Variants in ZSWIM2 observed in about 807,000 individuals in gnomAD.
ZSWIM2 encodes the protein E3 ubiquitin-protein ligase ZSWIM2.
A neutral mutation model predicts 48.4 loss-of-function variants in ZSWIM2; 38 were observed. The ratio of observed to expected loss-of-function variants is 0.79; its 90% CI spans 0.61 to 1.03. ZSWIM2 has a LOEUF of 1.03. Among genes scored for constraint, ZSWIM2 ranks in the 50% least tolerant of loss-of-function variants. ZSWIM2 has a pLI of 0.00. For missense variants in ZSWIM2, 776 were observed against 730.2 expected (o/e 1.06, Z -0.72); for synonymous variants, 240 against 251.3 (o/e 0.96, Z 0.42).
intron 7 of ZSWIM2, among the ~76,000 whole-genome samples, chr2:186,832,015 A>C (rs146024033): frequency 0.019 from 2,873 of 152,192 alleles, 82 homozygotes; most frequent in African/African-American, 0.065. Flanking sequence ...CCTACAACTT[A>C]AAGTATAATA....
chr2:186,844,204 T>C (rs973644778), intron 3 of ZSWIM2, among the ~76,000 whole-genome samples: 2 of 151,580 alleles, frequency 1.3e-5, no homozygotes, highest in Non-Finnish European at 3.0e-5. Context: ...AACTCTGGAA[T>C]TTAAACTTAT....
In ZSWIM2 at chr2:186,828,179, T is replaced by G. The variant is rs772658258; in HGVS notation, c.1707A>C (p.Arg569Ser). The part of the protein sequence containing the change: ...PATKIREDNK[R>S]STLLPEDFNL... ...TGAAATCCTCTGGAAGTAAAGTTGATCTCTTGTTGTCCTCTCTTATTTTAG... is the reference window on the plus strand; with the variant it reads ...TGAAATCCTCTGGAAGTAAAGTTGAGCTCTTGTTGTCCTCTCTTATTTTAG... The change falls in exon 9 of 9, where the codon AGA becomes AGC. Residue 569 changes from arginine to serine, a missense_variant. Physicochemically the swap from Arg to Ser is moderately radical, Grantham distance 110 (BLOSUM62 -1). Coordinates refer to ENST00000295131, the MANE Select transcript of ZSWIM2 (RefSeq NM_182521.3). The G allele has an allele frequency of 1.2e-5, 19 of 1,613,584 alleles. No individual in the cohort carries two copies. The highest frequency in any genetic ancestry group is 1.6e-5 in the Non-Finnish European group (19 of 1,179,722).
At chr2:186,838,666 C>T (rs1291889699) in intron 4 of ZSWIM2, among the ~76,000 whole-genome samples, 2 of 146,740 alleles carry the variant, frequency 1.4e-5, no homozygotes, top group Admixed American at 6.9e-5. Flanking sequence ...TATACACACA[C>T]ATATATATGT....
chr2:186,828,718 A>C lies in ZSWIM2; in HGVS notation c.1168T>G (p.Tyr390Asp), dbSNP rs775610738. 1 of 1,611,266 alleles carries C rather than the reference A, an allele frequency of 6.2e-7. No individual in the cohort carries two copies. Among genetic ancestry groups the C allele is most frequent in the Non-Finnish European group, 8.5e-7 (1 of 1,178,740 alleles). ...NSCPIDGQVI[Y>D]NPLTWKNSAV... ...GAATTTTTCCAAGTTAAAGGGTTATATATAACTTGTCCATCAATAGGGCAT... is the reference window on the plus strand; with the variant it reads ...GAATTTTTCCAAGTTAAAGGGTTATCTATAACTTGTCCATCAATAGGGCAT... The change falls in exon 9 of 9, where the codon TAT becomes GAT. Residue 390 changes from tyrosine (Y) to aspartate (D), a missense_variant. Coordinates refer to ENST00000295131, the MANE Select transcript of ZSWIM2 (RefSeq NM_182521.3).
chr2:186,848,038 T>C (rs1392406963), intron 1 of ZSWIM2, among the ~76,000 whole-genome samples: 2 of 152,116 alleles, frequency 1.3e-5, no homozygotes, highest in African/African-American at 2.4e-5. Context: ...TGAAAATAAA[T>C]CTAATTCCCA....
chr2:186,827,499 T>C lies in ZSWIM2; in HGVS notation c.*485A>G, dbSNP rs1354908895. 2.0e-5 allele frequency among the ~76,000 whole-genome samples: 3 copies of C among 151,916 alleles called. No individual in the cohort carries two copies. The highest frequency in any genetic ancestry group is 6.6e-5 in the Admixed American group (1 of 15,214). On this transcript the variant is annotated 3_prime_UTR_variant, in exon 9 of 9. Transcript: ENST00000295131. ...ATAAATGTGACATAGCTGATAGTAT[T>C]TCATTTTATTTTCATTTTATGTATA...
In ZSWIM2 at chr2:186,847,742, C is replaced by A. The variant is rs776622607; in HGVS notation, c.219G>T (p.Gly73=). Residue 73 remains glycine (G), a synonymous_variant, in exon 2 of 9, where the codon GGG becomes GGT. Coordinates refer to ENST00000295131, the MANE Select transcript of ZSWIM2 (RefSeq NM_182521.3). ...ACCAGCAGATATGCTTACAAAGTTC[C>A]CCTCCTTTCGGAAATGTGGAACAGT... ...VCNCSTFPKG[G]ELCKHICWVL... 60 of 1,604,476 alleles carry A rather than the reference C, an allele frequency of 3.7e-5. No individual in the cohort carries two copies. The highest frequency in any genetic ancestry group is 4.9e-5 in the Non-Finnish European group (58 of 1,174,938).
chr2:186,833,508 A>C (rs752072381), intron 6 of ZSWIM2, among the ~76,000 whole-genome samples: 1 of 152,168 alleles, frequency 6.6e-6, no homozygotes, highest in Non-Finnish European at 1.5e-5. Flanking sequence ...GTTATTATTC[A>C]GCATCAGGAG....
At chr2:186,836,897 C>T (rs1417295856) in intron 5 of ZSWIM2, among the ~76,000 whole-genome samples, 1 of 152,122 alleles carries the variant, frequency 6.6e-6, no homozygotes, top group Non-Finnish European at 1.5e-5. Context: ...CAGTCAATGT[C>T]TCTCTGGCCC....
intron 2 of ZSWIM2, among the ~76,000 whole-genome samples, chr2:186,847,375 A>G (rs1692023761): frequency 6.6e-6 from 1 of 152,126 alleles, no homozygotes; most frequent in Non-Finnish European, 1.5e-5. Context: ...GTGGAAGCAC[A>G]GCAATATCTC....
chr2:186,848,908 G>A lies in ZSWIM2; in HGVS notation c.165+58C>T, dbSNP rs13427534. 3.1e-6 allele frequency: 5 copies of A among 1,602,900 alleles called. No homozygotes were observed. The African/African-American group carries it at 4.1e-5, about 13-fold the overall frequency. On this transcript the variant is annotated intron_variant, in intron 1 of 8. Coordinates refer to ENST00000295131, the MANE Select transcript of ZSWIM2 (RefSeq NM_182521.3). ...GGCTACGCACATTGGGTATGCCAGTGGGGGAACCTGGTGGGCGGGGATGAT... is the reference window on the plus strand; with the variant it reads ...GGCTACGCACATTGGGTATGCCAGTAGGGGAACCTGGTGGGCGGGGATGAT...
chr2:186,838,791 TTA>T (rs971388931), intron 4 of ZSWIM2, among the ~76,000 whole-genome samples, 166 bp downstream of exon 4: 5 of 146,070 alleles, frequency 3.4e-5, no homozygotes, highest in East Asian at 2.0e-4. Flanking sequence ...ATTATATATA[TTA>T]TATATATGTG....
In ZSWIM2 at chr2:186,828,504, G is replaced by T; in HGVS notation, c.1382C>A (p.Ala461Asp). Reference sequence around the variant, plus strand: ...ATTATCTATTGTTGTATTTTCATAGGCATCTTTTGGGCTTTGAGGTGTATT... The same window carrying T: ...ATTATCTATTGTTGTATTTTCATAGTCATCTTTTGGGCTTTGAGGTGTATT... ...ELNTPQSPKD[A>D]YENTTIDNLC... The change falls in exon 9 of 9, where the codon GCC becomes GAC. Residue 461 changes from alanine to aspartate, a missense_variant. By Grantham distance (126) the Ala-to-Asp change is moderately radical. Transcript: ENST00000295131. 1 of 1,613,294 alleles carries T rather than the reference G, an allele frequency of 6.2e-7. No homozygotes were observed. Among genetic ancestry groups the T allele is most frequent in the Non-Finnish European group, 8.5e-7 (1 of 1,179,636 alleles).
chr2:186,833,320 T>A lies in ZSWIM2; in HGVS notation c.829-88A>T. The A allele has an allele frequency of 5.0e-6, 3 of 604,434 alleles. No homozygotes were observed. The South Asian group carries it at 6.6e-5, about 13-fold the overall frequency. The allele number at this position is 604,434 out of a possible 1,614,324, so 37.4% of individuals were successfully genotyped here. A position where few individuals can be genotyped will look rare whatever the true frequency, so the allele number is the denominator to read the frequency against. The stretch of plus-strand genomic sequence containing the variant: ...AAATTAGTTGGTTGCGTATCAATAA[T>A]GTGAACAATACACAATATTTTAAGC... On this transcript the variant is annotated intron_variant, in intron 6 of 8. Coordinates refer to ENST00000295131, the MANE Select transcript of ZSWIM2 (RefSeq NM_182521.3).
Position 186,833,252 on chromosome 2 carries a change from A to T in ZSWIM2, c.829-20T>A. On this transcript the variant is annotated intron_variant, in intron 6 of 8. Coordinates refer to ENST00000295131, the MANE Select transcript of ZSWIM2 (RefSeq NM_182521.3). The stretch of plus-strand genomic sequence containing the variant: ...TCTTTTCTGTAATAGGTAAAAGTAG[A>T]TGTTACTTTGCAAAGTCGTGGATAT... 7.9e-7 allele frequency: 1 copy of T among 1,261,364 alleles called. No individual in the cohort carries two copies. Among genetic ancestry groups the T allele is most frequent in the Non-Finnish European group, 1.1e-6 (1 of 910,182 alleles). 78.1% of individuals were successfully genotyped at this position (1,261,364 alleles called of 1,614,324 possible). A position where few individuals can be genotyped will look rare whatever the true frequency, so the allele number is the denominator to read the frequency against.
intron 2 of ZSWIM2, among the ~76,000 whole-genome samples, chr2:186,845,446 A>G (rs1691981402): frequency 1.3e-5 from 2 of 151,410 alleles, no homozygotes; most frequent in Admixed American, 1.3e-4. Flanking sequence ...TGAAAGGACC[A>G]TATTTTATCT....
rs537683873 is a variant in ZSWIM2, at chr2:186,830,484, C to T, written c.942-604G>A. Among the ~76,000 whole-genome samples the T allele has an allele frequency of 4.6e-5, 7 of 152,168 alleles. No individual in the cohort carries two copies. In the South Asian group the frequency reaches 1.2e-3, roughly 27 times the overall value. ...AATGTCAATAAAATCAGACCATATA[C>T]TCAAATTATAATATTTTAGTCTGAG... is the stretch of plus-strand genomic sequence containing the variant. On this transcript the variant is annotated intron_variant, in intron 7 of 8. Transcript: ENST00000295131.
chr2:186,838,905 AT>A (rs1353603389), intron 4 of ZSWIM2, 53 bp downstream of exon 4: 1 of 1,514,336 alleles, frequency 6.6e-7, no homozygotes, highest in African/African-American at 1.4e-5. Context: ...TAAATCAGAA[AT>A]ATGTTTTAGA....
chr2:186,848,850 G>C, intron 1 of ZSWIM2, 116 bp downstream of exon 1: 1 of 1,356,980 alleles, frequency 7.4e-7, no homozygotes, highest in Non-Finnish European at 1.0e-6. Flanking sequence ...TTTCGGGGGT[G>C]AGGCAGCAAG....
Sources: allele counts gnomAD v4.1 joint callset (sites outside exome capture counted in the v4.1 genomes callset), GRCh38; gene constraint gnomAD v4.1.1; transcripts MANE v1.5; gene names NCBI Gene and HGNC (gene_info 2026-07-23, HGNC 2026-07-21).